Variants in RTN4IP1 observed in about 807,000 individuals in gnomAD.
RTN4IP1 encodes the protein reticulon 4 interacting protein 1, also known as NAD(P)H oxidoreductase RTN4IP1, mitochondrial.
In RTN4IP1, 32 loss-of-function variants were observed where a neutral mutation model predicts 46.6. The observed-to-expected ratio is 0.69, with a 90% confidence interval of 0.52 to 0.92. The LOEUF (loss-of-function observed/expected upper bound fraction) is 0.92. Among genes scored for constraint, RTN4IP1 ranks in the 40% least tolerant of loss-of-function variants. The pLI is 0.00. For synonymous variants in RTN4IP1, 167 were observed against 161.8 expected, an observed-to-expected ratio of 1.03 and a Z score of -0.24; for missense variants, 424 against 485.8, an observed-to-expected ratio of 0.87 and a Z score of 1.20.
At chr6:106,624,845 A>C (rs548729059) in intron 1 of RTN4IP1, among the ~76,000 whole-genome samples, 1 of 149,146 alleles carries the variant, frequency 6.7e-6, no homozygotes, top group African/African-American at 2.5e-5. Context: ...CTGAGGCAGG[A>C]GGATTGCTTG....
At chr6:106,616,097 TTAG>T (rs1282262575) in intron 4 of RTN4IP1, among the ~76,000 whole-genome samples, 1 of 152,170 alleles carries the variant, frequency 6.6e-6, no homozygotes, top group Non-Finnish European at 1.5e-5. Context: ...TTTTGTATTT[TTAG>T]TAGCGACGGG....
chr6:106,610,989 T>C (rs1358865572), intron 4 of RTN4IP1, among the ~76,000 whole-genome samples: 1 of 151,354 alleles, frequency 6.6e-6, no homozygotes, highest in Non-Finnish European at 1.5e-5. Flanking sequence ...CCCTCTACAA[T>C]CACAGTTTTC....
intron 1 of RTN4IP1, among the ~76,000 whole-genome samples, chr6:106,624,874 T>C (rs1022609018): frequency 2.8e-5 from 4 of 143,596 alleles, no homozygotes; most frequent in Admixed American, 1.4e-4. Context: ...AGTTTGAGAC[T>C]GCAGTGAGCC....
intron 4 of RTN4IP1, 81 bp from the exon 5 acceptor site, chr6:106,603,003 G>C: frequency 1.1e-6 from 1 of 871,038 alleles, no homozygotes; most frequent in Non-Finnish European, 1.8e-6. Context: ...ATAACTGGTT[G>C]ATGATAAGAT....
In RTN4IP1 at chr6:106,627,703, G is replaced by A. The variant is rs1023432051; in HGVS notation, c.274+1045C>T. Among the ~76,000 whole-genome samples the A allele has an allele frequency of 2.2e-5, 3 of 133,636 alleles. No homozygotes were observed. In the South Asian group the frequency reaches 8.0e-4, roughly 36 times the overall value. The allele number at this position is 133,636 out of a possible 152,430, so 87.7% of individuals were successfully genotyped here. On this transcript the variant is annotated intron_variant, in intron 1 of 8. Transcript: ENST00000369063. ...CTACTTCAAAACAAAGAATACAAAC[G>A]TAGACTTCATGAGACAATCACAGTA...
intron 8 of RTN4IP1, among the ~76,000 whole-genome samples, chr6:106,577,631 G>A (rs940128435): frequency 2.0e-5 from 3 of 152,054 alleles, no homozygotes; most frequent in Admixed American, 1.3e-4. Context: ...CCCAAAATGT[G>A]TGAATATGGC....
At chr6:106,603,056 A>G in intron 4 of RTN4IP1, 134 bp from the exon 5 acceptor site, 1 of 594,798 alleles carries the variant, frequency 1.7e-6, no homozygotes, top group Admixed American at 3.7e-5. Flanking sequence ...CAGCTTCCCA[A>G]GATATATTAC....
chr6:106,620,066 A>G (rs1776449871), intron 3 of RTN4IP1, among the ~76,000 whole-genome samples: 1 of 152,008 alleles, frequency 6.6e-6, no homozygotes, highest in Non-Finnish European at 1.5e-5. Context: ...TACAGTATAT[A>G]ATATACATAA....
At chr6:106,585,075 A>G (rs1362656194) in intron 7 of RTN4IP1, among the ~76,000 whole-genome samples, 1 of 152,226 alleles carries the variant, frequency 6.6e-6, no homozygotes, top group East Asian at 1.9e-4. Flanking sequence ...TGGTTTGTTC[A>G]TCTCTATTAC....
chr6:106,580,556 T>C (rs1775341451), intron 8 of RTN4IP1, among the ~76,000 whole-genome samples: 1 of 151,794 alleles, frequency 6.6e-6, no homozygotes, highest in South Asian at 2.1e-4. Context: ...CCATCTCTAC[T>C]AAAAATACAA....
Position 106,583,179 on chromosome 6 carries a change from G to C in RTN4IP1, c.1083+149C>G, listed in dbSNP as rs117120852. 10,826 of 602,654 alleles carry C rather than the reference G, an allele frequency of 0.018. 151 individuals carry two copies. The highest frequency in any genetic ancestry group is 0.026 in the Non-Finnish European group (8,488 of 331,356). The allele number at this position is 602,654 out of a possible 1,614,324, so 37.3% of individuals were successfully genotyped here. A position where few individuals can be genotyped will look rare whatever the true frequency, so the allele number is the denominator to read the frequency against. ...CCATGGAGACAGAACCAAAGACATA[G>C]CATGTAAACTTGGCCATGTAAGGCA... On this transcript the variant is annotated intron_variant, in intron 8 of 8. Coordinates refer to ENST00000369063, the MANE Select transcript of RTN4IP1 (RefSeq NM_032730.5).
intron 4 of RTN4IP1, among the ~76,000 whole-genome samples, chr6:106,607,533 A>C (rs1307115532): frequency 6.6e-6 from 1 of 152,136 alleles, no homozygotes; most frequent in African/African-American, 2.4e-5. Flanking sequence ...CAACAACAAA[A>C]AAACTAGTAA....
At chr6:106,614,977 C>A (rs1286057512) in intron 4 of RTN4IP1, among the ~76,000 whole-genome samples, 3 of 142,812 alleles carry the variant, frequency 2.1e-5, no homozygotes, top group Admixed American at 1.5e-4. Flanking sequence ...ACCCAGGACT[C>A]CCTGGAAAAT....
chr6:106,592,399 C>A (rs934469109), intron 5 of RTN4IP1, 99 bp from the exon 6 acceptor site: 16 of 1,224,508 alleles, frequency 1.3e-5, no homozygotes, highest in Non-Finnish European at 1.8e-5. Context: ...ATACATATAT[C>A]AGACTAATCT....
intron 4 of RTN4IP1, chr6:106,607,598 T>C (rs1451232154): frequency 6.6e-6 from 1 of 151,944 alleles, no homozygotes; most frequent in East Asian, 1.9e-4. Flanking sequence ...AAGAGAAAAA[T>C]GATCAAGCAT....
chr6:106,581,514 C>T (rs1300237824), intron 8 of RTN4IP1, among the ~76,000 whole-genome samples: 1 of 152,186 alleles, frequency 6.6e-6, no homozygotes, highest in African/African-American at 2.4e-5. Context: ...GAGCTGGCCT[C>T]ATCAAGGCAT....
intron 3 of RTN4IP1, among the ~76,000 whole-genome samples, chr6:106,619,679 T>G (rs1776437715): frequency 6.8e-6 from 1 of 147,220 alleles, no homozygotes; most frequent in Non-Finnish European, 1.5e-5. Context: ...TGGCGTGATC[T>G]CGGCTCACTG....
chr6:106,619,222 G>C lies in RTN4IP1; in HGVS notation c.600C>G (p.Asp200Glu). Residue 200 changes from aspartate (D) to glutamate (E), a missense_variant, in exon 4 of 9, where the codon GAC becomes GAG. Coordinates refer to ENST00000369063, the MANE Select transcript of RTN4IP1 (RefSeq NM_032730.5). ...CTTACCGTTTTCCTGTGCAATTCTTGTCATTCAGGCCACCAACTTTGTTTA... is the reference window on the plus strand; with the variant it reads ...CTTACCGTTTTCCTGTGCAATTCTTCTCATTCAGGCCACCAACTTTGTTTA... ...SAINKVGGLNDKNCTGKRVLI... is the reference protein window; with the variant it reads ...SAINKVGGLNEKNCTGKRVLI... 6.2e-7 allele frequency: 1 copy of C among 1,614,188 alleles called. No individual in the cohort carries two copies.
At chr6:106,611,829 A>C (rs1776232636) in intron 4 of RTN4IP1, among the ~76,000 whole-genome samples, 1 of 152,244 alleles carries the variant, frequency 6.6e-6, no homozygotes, top group South Asian at 2.1e-4. Flanking sequence ...AAATGTTTAG[A>C]AAGTTAAACA....
Sources: gnomAD v4.1 joint callset for allele counts (sites outside exome capture counted in the v4.1 genomes callset) on GRCh38, gnomAD v4.1.1 for gene constraint, MANE v1.5 for transcripts, NCBI Gene and HGNC (gene_info 2026-07-23, HGNC 2026-07-21) for gene names.